Variants in FOXP1 observed in about 807,000 individuals in gnomAD.
FOXP1 encodes the protein forkhead box P1.
A neutral mutation model predicts 98.2 loss-of-function variants in FOXP1; 15 were observed. That is an observed-to-expected ratio of 0.15 (90% CI 0.10 to 0.24). The LOEUF is 0.24. FOXP1 is among the 10% of genes least tolerant of loss of function. The pLI, the probability that FOXP1 is intolerant of heterozygous loss-of-function variation, is 1.00. For synonymous variants in FOXP1, 371 were observed against 314.5 expected (o/e 1.18, Z -1.90); for missense variants, 633 against 848.5 (o/e 0.75, Z 3.15).
chr3:71,329,663 G>A (rs1175300620), intron 4 of FOXP1: 3 of 151,974 alleles, frequency 2.0e-5, no homozygotes, highest in African/African-American at 7.3e-5. Flanking sequence ...TTGCAGGTGG[G>A]TGAGATGAGA....
intron 5 of FOXP1, among the ~76,000 whole-genome samples, chr3:71,223,612 C>T (rs2065581394): frequency 6.6e-6 from 1 of 150,862 alleles, no homozygotes; most frequent in South Asian, 2.1e-4. Context: ...GGAGAATGGC[C>T]TGAACCCAGG....
chr3:71,313,054 A>G (rs1177251836), intron 4 of FOXP1, among the ~76,000 whole-genome samples: 1 of 143,000 alleles, frequency 7.0e-6, no homozygotes, highest in Non-Finnish European at 1.5e-5. Flanking sequence ...TGAAACTTTA[A>G]TTCTTTTTTT....
chr3:71,186,487 C>T (rs544144202), intron 6 of FOXP1, among the ~76,000 whole-genome samples: 32 of 152,276 alleles, frequency 2.1e-4, no homozygotes, highest in African/African-American at 6.3e-4. Context: ...CCGAGGCAGG[C>T]GGATCACGAG....
chr3:71,009,103 C>T (rs1417262588), intron 12 of FOXP1, among the ~76,000 whole-genome samples: 1 of 129,772 alleles, frequency 7.7e-6, no homozygotes, highest in East Asian at 2.2e-4. Flanking sequence ...GGTGGAAGAA[C>T]CCAAGATCAA....
intron 4 of FOXP1, among the ~76,000 whole-genome samples, chr3:71,347,591 A>G (rs941596247): frequency 3.3e-5 from 5 of 152,192 alleles, no homozygotes; most frequent in African/African-American, 1.2e-4. Flanking sequence ...TGCTGAATGT[A>G]AAGAACAGAG....
chr3:71,399,612 G>A (rs2081811581), intron 3 of FOXP1, among the ~76,000 whole-genome samples: 1 of 152,184 alleles, frequency 6.6e-6, no homozygotes, highest in Admixed American at 6.5e-5. Context: ...GGCAGGGAAA[G>A]GGGGTTTGCA....
chr3:71,503,616 A>G (rs1172929552), intron 2 of FOXP1, among the ~76,000 whole-genome samples: 9 of 151,598 alleles, frequency 5.9e-5, no homozygotes, highest in Admixed American at 1.3e-4. Flanking sequence ...AAAAAAAAAA[A>G]AAAAACACCA....
intron 7 of FOXP1, among the ~76,000 whole-genome samples, chr3:71,055,753 T>C (rs890472442): frequency 6.6e-6 from 1 of 152,234 alleles, no homozygotes; most frequent in African/African-American, 2.4e-5. Flanking sequence ...AGAAGTTTAC[T>C]TTTCCTTGAG....
chr3:71,440,344 T>G (rs938465061), intron 3 of FOXP1, among the ~76,000 whole-genome samples: 45 of 152,102 alleles, frequency 3.0e-4, no homozygotes, highest in African/African-American at 1.1e-3. Flanking sequence ...GGCAGGGGAA[T>G]TGCTTGAGGT....
chr3:71,097,164 G>A (rs916307125), intron 7 of FOXP1, among the ~76,000 whole-genome samples: 4 of 152,124 alleles, frequency 2.6e-5, no homozygotes, highest in African/African-American at 9.7e-5. Context: ...GCCAACTACA[G>A]CCCAAATCTG....
chr3:71,084,334 A>G (rs2054783206), intron 7 of FOXP1, among the ~76,000 whole-genome samples: 1 of 152,084 alleles, frequency 6.6e-6, no homozygotes, highest in African/African-American at 2.4e-5. Context: ...TTTCACTCAA[A>G]ATTCTTTCAG....
chr3:71,286,903 T>C (rs1367004751), intron 5 of FOXP1, among the ~76,000 whole-genome samples: 2 of 152,166 alleles, frequency 1.3e-5, no homozygotes, highest in Admixed American at 6.5e-5. Flanking sequence ...CACAACATCT[T>C]TTATGAAACT....
intron 5 of FOXP1, among the ~76,000 whole-genome samples, chr3:71,221,775 G>A (rs776902551): frequency 1.4e-4 from 21 of 152,144 alleles, no homozygotes; most frequent in Non-Finnish European, 2.9e-4. Context: ...CTGTCTCTAT[G>A]TTTCTACCTC....
At chr3:71,583,893 C>A, upstream of FOXP1, 2 of 985,300 alleles carry the variant, frequency 2.0e-6, no homozygotes, top group Non-Finnish European at 2.4e-6. Flanking sequence ...CAGGGGTCCC[C>A]TCTCCGCTTC....
chr3:70,965,118 C>T (rs773151611), intron 20 of FOXP1, among the ~76,000 whole-genome samples: 4 of 152,216 alleles, frequency 2.6e-5, no homozygotes, highest in Non-Finnish European at 5.9e-5. Flanking sequence ...ACAGCATCTC[C>T]TGCAAAGCCA....
intron 3 of FOXP1, among the ~76,000 whole-genome samples, chr3:71,486,538 C>T (rs2090663891): frequency 6.6e-6 from 1 of 152,186 alleles, no homozygotes; most frequent in African/African-American, 2.4e-5. Context: ...AAGAGGGTAA[C>T]AATTCACGTG....
At position 70,958,203 on chromosome 3, in the gene FOXP1, A is replaced by T. The variant is rs1435473985; in HGVS notation, c.*1044T>A. The T allele has an allele frequency of 5.2e-5, 23 of 439,238 alleles. No homozygotes were observed. The highest frequency in any genetic ancestry group is 3.9e-4 in the African/African-American group (19 of 49,140). 27.2% of individuals were successfully genotyped at this position (439,238 alleles called of 1,614,324 possible). On this transcript the variant is annotated 3_prime_UTR_variant, in exon 21 of 21. Coordinates refer to ENST00000649528, the MANE Select transcript of FOXP1 (RefSeq NM_001349338.3). The stretch of plus-strand genomic sequence containing the variant: ...ATTTATTAATGGTTGCTGCAAAAAA[A>T]AAAAAAGAAAAGAAAAGAAAAAAAG...
At position 71,167,779 on chromosome 3, in the gene FOXP1, C is replaced by T. The variant is rs116383440; in HGVS notation, c.180+30423G>A. ...TTAAATCTTTAATGGGAGCCTCTGG[C>T]GGTCCATGGGTACAATGATTAGATA... On this transcript the variant is annotated intron_variant, in intron 6 of 20. Transcript: ENST00000649528. Among the ~76,000 whole-genome samples, 544 of 152,278 alleles carry T rather than the reference C, an allele frequency of 3.6e-3. 2 individuals carry two copies. Among genetic ancestry groups the T allele is most frequent in the African/African-American group, 0.012 (515 of 41,550 alleles).
At chr3:71,028,504 T>C (rs1021091247) in intron 11 of FOXP1, among the ~76,000 whole-genome samples, 3 of 152,186 alleles carry the variant, frequency 2.0e-5, no homozygotes, top group African/African-American at 7.2e-5. Context: ...GATGTACTTG[T>C]AGCAGAAACT....
Sources: allele counts gnomAD v4.1 joint callset (sites outside exome capture counted in the v4.1 genomes callset), GRCh38; gene constraint gnomAD v4.1.1; transcripts MANE v1.5; gene names NCBI Gene and HGNC (gene_info 2026-07-23, HGNC 2026-07-21).